COBLL1: variants seen among roughly 807,000 people sequenced by gnomAD.
COBLL1 encodes the protein cordon-bleu protein-like 1.
COBLL1 carries 50 observed loss-of-function variants against 94.8 expected under a neutral mutation model. The observed-to-expected ratio is 0.53, with a 90% confidence interval of 0.42 to 0.67. The LOEUF (loss-of-function observed/expected upper bound fraction) is 0.67, where lower values mean the gene tolerates loss of function less well. Among genes scored for constraint, COBLL1 ranks in the 30% least tolerant of loss-of-function variants. The pLI, the probability that COBLL1 is intolerant of heterozygous loss-of-function variation, is 0.00. For missense variants in COBLL1, 1,362 were observed against 1,348.7 expected (o/e 1.01, Z -0.15); for synonymous variants, 448 against 473.8 (o/e 0.95, Z 0.71).
At chr2:164,719,044 A>AT (rs1389683744) in intron 7 of COBLL1, among the ~76,000 whole-genome samples, 3 of 152,070 alleles carry the variant, frequency 2.0e-5, no homozygotes, top group Non-Finnish European at 2.9e-5. Context: ...AGAAATACAA[A>AT]TGCAGCAGCT....
intron 2 of COBLL1, among the ~76,000 whole-genome samples, chr2:164,835,282 T>C (rs969490775): frequency 2.0e-5 from 3 of 152,152 alleles, no homozygotes; most frequent in Admixed American, 6.5e-5. Flanking sequence ...TATCCACTGA[T>C]GGATGGATAA....
intron 2 of COBLL1, among the ~76,000 whole-genome samples, chr2:164,751,878 C>T (rs1325297851): frequency 2.0e-5 from 3 of 152,172 alleles, no homozygotes; most frequent in South Asian, 2.1e-4. Context: ...CCCAGACGCT[C>T]GGTAATTTGC....
At chr2:164,802,971 G>A (rs1409490772) in intron 2 of COBLL1, among the ~76,000 whole-genome samples, 2 of 152,132 alleles carry the variant, frequency 1.3e-5, no homozygotes, top group Non-Finnish European at 2.9e-5. Flanking sequence ...TTCTCTTTCT[G>A]AAGAACAGAA....
At chr2:164,690,592 A>C (rs1377705009) in intron 13 of COBLL1, among the ~76,000 whole-genome samples, 2 of 152,304 alleles carry the variant, frequency 1.3e-5, no homozygotes, top group East Asian at 3.9e-4. Flanking sequence ...AGTTTTCTGC[A>C]ATTAGTTCAT....
At chr2:164,727,346 T>G (rs990708049) in intron 5 of COBLL1, among the ~76,000 whole-genome samples, 1 of 152,062 alleles carries the variant, frequency 6.6e-6, no homozygotes, top group African/African-American at 2.4e-5. Context: ...TGAAACAGAT[T>G]CATGTTGAAT....
At position 164,730,046 on chromosome 2, in the gene COBLL1, G is replaced by C. The variant is rs188967414; in HGVS notation, c.300C>G (p.Ile100Met). 2 of 1,613,920 alleles carry C rather than the reference G, an allele frequency of 1.2e-6. No homozygotes were observed. Among genetic ancestry groups the C allele is most frequent in the South Asian group, 2.2e-5 (2 of 91,076 alleles). The change falls in exon 4 of 14, where the codon ATC (isoleucine) becomes ATG (methionine). Residue 100 changes from isoleucine to methionine, a missense_variant. Physicochemically the swap from Ile to Met is conservative, Grantham distance 10. Coordinates refer to ENST00000652658, the MANE Select transcript of COBLL1 (RefSeq NM_001365672.2). ...QYHLNPSSYT[I>M]DLLSAEQNHI... ...GGTTCTGTTCAGCTGACAACAGATC[G>C]ATTGTGTAACTTGATGGATTTAAGT...
rs1282917607 is a variant in COBLL1 at position 164,805,327 on chromosome 2, C to CTATA, written c.41+35828_41+35829insTATA. ...TCTCTCTCTCTCTCTCTCTCTCTCTCTCTCTCTCTCTATATATATATATAT... is the reference window on the plus strand; with the variant it reads ...TCTCTCTCTCTCTCTCTCTCTCTCTCTATATCTCTCTCTCTATATATATATATAT... On this transcript the variant is annotated intron_variant, in intron 2 of 13. Coordinates refer to ENST00000652658, the MANE Select transcript of COBLL1 (RefSeq NM_001365672.2). 5.5e-3 allele frequency among the ~76,000 whole-genome samples: 144 copies of CTATA among 26,376 alleles called. 1 individual carries two copies. Among genetic ancestry groups the CTATA allele is most frequent in the Non-Finnish European group, 7.1e-3 (99 of 13,922 alleles). The allele number at this position is 26,376 out of a possible 152,430, so 17.3% of individuals were successfully genotyped here.
chr2:164,810,210 G>A (rs1337164042), intron 2 of COBLL1, among the ~76,000 whole-genome samples: 1 of 151,190 alleles, frequency 6.6e-6, no homozygotes, highest in Admixed American at 6.6e-5. Flanking sequence ...TTTCCTTTCT[G>A]GTATTTGGGA....
chr2:164,797,504 AAAC>A (rs1683527221), intron 2 of COBLL1, among the ~76,000 whole-genome samples: 1 of 152,220 alleles, frequency 6.6e-6, no homozygotes, highest in South Asian at 2.1e-4. Context: ...TAGGGTTATT[AAAC>A]AATATATCCA....
rs927097065 is a variant in COBLL1 at position 164,694,303 on chromosome 2, A to G, written c.3089T>C (p.Phe1030Ser). Residue 1030 changes from phenylalanine (F) to serine (S), a missense_variant, in exon 12 of 14, where the codon TTT becomes TCT. Transcript: ENST00000652658. ...CACACCAAGCTGTGGGATGTCCACA[A>G]ATTTATTTACAGAATGAGTCTTCCC... The part of the protein sequence containing the change: ...EEGKTHSVNK[F>S]VDIPQLGVSD... 2.1e-5 allele frequency: 34 copies of G among 1,613,786 alleles called. No homozygotes were observed. The highest frequency in any genetic ancestry group is 6.7e-5 in the East Asian group (3 of 44,880).
chr2:164,693,656 A>G (rs1683738082), intron 12 of COBLL1, among the ~76,000 whole-genome samples: 1 of 152,144 alleles, frequency 6.6e-6, no homozygotes, highest in Non-Finnish European at 1.5e-5. Context: ...GTTAGATAAC[A>G]GTTTGGTCAA....
Position 164,824,184 on chromosome 2 carries a change from C to T in COBLL1, c.41+16972G>A, listed in dbSNP as rs367550003. 2.4e-4 allele frequency among the ~76,000 whole-genome samples: 37 copies of T among 152,110 alleles called. 1 individual carries two copies. The highest frequency in any genetic ancestry group is 2.3e-3 in the South Asian group (11 of 4,810). On this transcript the variant is annotated intron_variant, in intron 2 of 13. Coordinates refer to ENST00000652658, the MANE Select transcript of COBLL1 (RefSeq NM_001365672.2). ...ATCACCTGAGGTCAGAAGTTCGAGA[C>T]CAGCCTGATCAACATGGAGAAACCA...
At chr2:164,819,848 C>A (rs1458260030) in intron 2 of COBLL1, among the ~76,000 whole-genome samples, 1 of 151,350 alleles carries the variant, frequency 6.6e-6, no homozygotes, top group Non-Finnish European at 1.5e-5. Context: ...GTTTTTGAGA[C>A]AGAGTCTCAC....
At chr2:164,763,762 A>T (rs1393208403) in intron 2 of COBLL1, among the ~76,000 whole-genome samples, 1 of 152,252 alleles carries the variant, frequency 6.6e-6, no homozygotes, top group Non-Finnish European at 1.5e-5. Context: ...TCTATATGGA[A>T]TATAATAGAA....
At chr2:164,823,680 C>A (rs1374886130) in intron 2 of COBLL1, among the ~76,000 whole-genome samples, 1 of 152,176 alleles carries the variant, frequency 6.6e-6, no homozygotes, top group Non-Finnish European at 1.5e-5. Context: ...CCCCTGAGAA[C>A]ATCCCCTCTC....
intron 2 of COBLL1, among the ~76,000 whole-genome samples, chr2:164,817,678 A>G (rs940938618): frequency 6.6e-6 from 1 of 152,116 alleles, no homozygotes; most frequent in Non-Finnish European, 1.5e-5. Flanking sequence ...ATGAGTTCCT[A>G]CAGTATATTC....
chr2:164,768,461 G>A (rs1439446361), intron 2 of COBLL1, among the ~76,000 whole-genome samples: 1 of 151,188 alleles, frequency 6.6e-6, no homozygotes, highest in Non-Finnish European at 1.5e-5. Context: ...TATTTTATGT[G>A]TGGCCCAAGA....
At chr2:164,835,346 A>G (rs1683270338) in intron 2 of COBLL1, among the ~76,000 whole-genome samples, 1 of 152,222 alleles carries the variant, frequency 6.6e-6, no homozygotes, top group South Asian at 2.1e-4. Flanking sequence ...AAAAAGCAAT[A>G]AAGTACTGAT....
chr2:164,696,741 G>A (rs1683967435), intron 11 of COBLL1: 1 of 152,238 alleles, frequency 6.6e-6, no homozygotes, highest in Admixed American at 6.6e-5. Context: ...CAGGAGGCAT[G>A]TGGAAGGAAA....
Sources: gnomAD v4.1 joint callset for allele counts (sites outside exome capture counted in the v4.1 genomes callset) on GRCh38, gnomAD v4.1.1 for gene constraint, MANE v1.5 for transcripts, NCBI Gene and HGNC (gene_info 2026-07-23, HGNC 2026-07-21) for gene names.